Variants in LRRC4C observed in about 807,000 individuals in gnomAD.
The protein encoded by LRRC4C is leucine rich repeat containing 4C, also known as leucine-rich repeat-containing protein 4C.
A neutral mutation model predicts 33.6 loss-of-function variants in LRRC4C; 5 were observed. The observed-to-expected ratio is 0.15, with a 90% CI of 0.08 to 0.31. The LOEUF (loss-of-function observed/expected upper bound fraction) is 0.31. Among genes scored for constraint, LRRC4C ranks in the 10% least tolerant of loss-of-function variants. The pLI is 1.00. For synonymous variants in LRRC4C, 329 were observed against 302.0 expected (o/e 1.09, Z -0.93); for missense variants, 560 against 796.7 (o/e 0.70, Z 3.58).
rs1413942160 is a variant in LRRC4C, at chr11:40,115,377, T to C, written c.916A>G (p.Asn306Asp). The stretch of plus-strand genomic sequence containing the variant: ...CAGCTGAGCCACAGTATGTCACAGT[T>C]ACAGTTCCAAGGGTTGTGATGTAAA... ...IHLHHNPWNC[N>D]CDILWLSWWI... is the part of the protein sequence containing the mutation. Residue 306 changes from asparagine (N) to aspartate (D), a missense_variant, in exon 7 of 7, where the codon AAC becomes GAC. By Grantham distance (23) the Asn-to-Asp change is conservative (BLOSUM62 1). This residue lies in a region of LRRC4C where 455 missense variants were observed against 643.8 expected (regional missense o/e 0.71). Transcript: ENST00000528697. This position sits in a 1 kb window ranked among gnomAD's most constrained non-coding sequence, Gnocchi z 6.7. 1 of 1,614,066 alleles carries C rather than the reference T, an allele frequency of 6.2e-7. No homozygotes were observed. The highest frequency in any genetic ancestry group is 1.7e-5 in the Admixed American group (1 of 60,002).
At chr11:41,299,520 A>G (rs1362837025) in intron 1 of LRRC4C, among the ~76,000 whole-genome samples, 2 of 152,122 alleles carry the variant, frequency 1.3e-5, no homozygotes, top group African/African-American at 4.8e-5. Flanking sequence ...TATATCCTAT[A>G]GTCAAAAAGT....
intron 1 of LRRC4C, among the ~76,000 whole-genome samples, chr11:40,937,306 G>A (rs1199276062): frequency 8.1e-5 from 10 of 123,376 alleles, no homozygotes; most frequent in Non-Finnish European, 1.5e-4. Context: ...AGATGCTGCC[G>A]ACTACTAGAG....
intron 2 of LRRC4C, among the ~76,000 whole-genome samples, chr11:40,677,042 C>T (rs777667271): frequency 1.1e-4 from 17 of 152,118 alleles, no homozygotes; most frequent in Admixed American, 5.2e-4. Context: ...CTGTGTTTCA[C>T]ATATTTCTCT....
At chr11:40,120,752 T>A (rs1855765288) in intron 6 of LRRC4C, among the ~76,000 whole-genome samples, 1 of 152,168 alleles carries the variant, frequency 6.6e-6, no homozygotes, top group Admixed American at 6.5e-5. Flanking sequence ...AAGTTCTTAC[T>A]CTGCCGTTTG....
At chr11:40,242,031 G>C (rs1476816003) in intron 4 of LRRC4C, 1 of 152,016 alleles carries the variant, frequency 6.6e-6, no homozygotes, top group East Asian at 1.9e-4. Flanking sequence ...CCCTTGACTG[G>C]ACCCCAGACA....
At chr11:40,728,060 G>A (rs1281232713) in intron 2 of LRRC4C, among the ~76,000 whole-genome samples, 4 of 151,660 alleles carry the variant, frequency 2.6e-5, no homozygotes, top group Non-Finnish European at 5.9e-5. Flanking sequence ...TGAACATCAC[G>A]AATCATAAGT....
chr11:41,173,830 A>T (rs1945082320), intron 1 of LRRC4C, among the ~76,000 whole-genome samples: 1 of 152,162 alleles, frequency 6.6e-6, no homozygotes, highest in Non-Finnish European at 1.5e-5. Flanking sequence ...TTATATTTTT[A>T]TTTAAAAATT....
chr11:40,514,270 A>T (rs776504091), intron 3 of LRRC4C, among the ~76,000 whole-genome samples: 32 of 152,302 alleles, frequency 2.1e-4, no homozygotes, highest in Non-Finnish European at 3.8e-4. Flanking sequence ...GTGTTGCAAT[A>T]AGTCAATAAG....
intron 1 of LRRC4C, among the ~76,000 whole-genome samples, chr11:40,970,206 AC>A (rs1053255483): frequency 1.3e-5 from 2 of 152,120 alleles, no homozygotes; most frequent in African/African-American, 4.8e-5. Flanking sequence ...CTGCATTCCC[AC>A]CCAAGTCTCA....
At chr11:40,854,431 C>A (rs1263514022) in intron 2 of LRRC4C, among the ~76,000 whole-genome samples, 1 of 152,166 alleles carries the variant, frequency 6.6e-6, no homozygotes, top group East Asian at 1.9e-4. Context: ...AATTGCTAAT[C>A]TCACCTGGGT....
chr11:40,654,916 G>C (rs1476397227), intron 2 of LRRC4C, among the ~76,000 whole-genome samples: 2 of 152,154 alleles, frequency 1.3e-5, no homozygotes, highest in Non-Finnish European at 2.9e-5. Context: ...GTTCTCACAA[G>C]ATCTGATGGT....
At chr11:40,839,667 C>T (rs776869951) in intron 2 of LRRC4C, among the ~76,000 whole-genome samples, 1 of 152,160 alleles carries the variant, frequency 6.6e-6, no homozygotes, top group African/African-American at 2.4e-5. Context: ...TTATTCTTGA[C>T]TCTGTTATGT....
chr11:40,367,175 C>A (rs74837205), intron 3 of LRRC4C, among the ~76,000 whole-genome samples: 3,271 of 152,066 alleles, frequency 0.022, 109 homozygotes, highest in African/African-American at 0.074. Flanking sequence ...CACAGCCAAG[C>A]CCATTGTAGA....
intron 1 of LRRC4C, among the ~76,000 whole-genome samples, chr11:40,982,840 T>C (rs189241251): frequency 8.7e-4 from 132 of 152,208 alleles, no homozygotes; most frequent in Non-Finnish European, 1.0e-3. Flanking sequence ...TGCCCTCCAA[T>C]GGTCCCCAGG....
At chr11:41,358,533 G>T (rs1043417012) in intron 1 of LRRC4C, among the ~76,000 whole-genome samples, 1 of 152,082 alleles carries the variant, frequency 6.6e-6, no homozygotes, top group African/African-American at 2.4e-5. Context: ...AAATTTCAAA[G>T]AACTCAACAA....
At chr11:41,105,330 T>G (rs1941432133) in intron 1 of LRRC4C, among the ~76,000 whole-genome samples, 1 of 152,170 alleles carries the variant, frequency 6.6e-6, no homozygotes, top group African/African-American at 2.4e-5. Flanking sequence ...AAAAAAATTC[T>G]ACTGCACATC....
chr11:40,559,169 G>A (rs1226486635), intron 3 of LRRC4C, among the ~76,000 whole-genome samples: 1 of 146,832 alleles, frequency 6.8e-6, no homozygotes. Context: ...ATGAAAATTC[G>A]CTTGCATGCG....
At chr11:40,492,977 A>G (rs1478011381) in intron 3 of LRRC4C, among the ~76,000 whole-genome samples, 1 of 151,982 alleles carries the variant, frequency 6.6e-6, no homozygotes, top group African/African-American at 2.4e-5. Flanking sequence ...ACCTGTTATA[A>G]GTGAGAAGGT....
chr11:40,489,857 G>A (rs967070365), intron 3 of LRRC4C, among the ~76,000 whole-genome samples: 1 of 152,118 alleles, frequency 6.6e-6, no homozygotes, highest in Non-Finnish European at 1.5e-5. Context: ...TAAGTAGTGA[G>A]TAAACCAATC....
Sources: gnomAD v4.1 joint callset for allele counts (sites outside exome capture counted in the v4.1 genomes callset) on GRCh38, gnomAD v4.1.1 for gene constraint, gnomAD v4.1.1 regional missense constraint, Gnocchi (gnomAD v3.1) non-coding constraint, MANE v1.5 for transcripts, NCBI Gene and HGNC (gene_info 2026-07-23, HGNC 2026-07-21) for gene names.